WNK4: variants seen among roughly 807,000 people sequenced by gnomAD.
The protein encoded by WNK4 is WNK lysine deficient protein kinase 4.
WNK4 carries 94 observed loss-of-function variants against 116.2 expected under a neutral mutation model. The observed-to-expected ratio is 0.81, with a 90% CI of 0.68 to 0.96. The LOEUF (loss-of-function observed/expected upper bound fraction) is 0.96. Ranked by LOEUF, WNK4 falls within the 40% of genes least tolerant of loss-of-function variation. WNK4 has a pLI of 0.00. For synonymous variants in WNK4, 655 were observed against 672.7 expected, an observed-to-expected ratio of 0.97 and a Z score of 0.41; for missense variants, 1,542 against 1,650.6, an observed-to-expected ratio of 0.93 and a Z score of 1.14.
In WNK4 at chr17:42,784,489, G is replaced by A; in HGVS notation, c.1080G>A (p.Ala360=). The A allele has an allele frequency of 6.2e-7, 1 of 1,613,984 alleles. No homozygotes were observed. Among genetic ancestry groups the A allele is most frequent in the Non-Finnish European group, 8.5e-7 (1 of 1,179,986 alleles). Residue 360 remains alanine, a synonymous_variant, in exon 4 of 19, where the codon GCG becomes GCA. Transcript: ENST00000246914. The surrounding 1 kb of genome is among the most constrained non-coding windows in gnomAD (Gnocchi z 4.4). The part of the protein sequence containing the change: ...EKYDEAVDVY[A]FGMCMLEMAT... ...ACGATGAGGCCGTGGACGTGTACGCGTTCGGCATGTGCATGCTGGAGATGG... is the reference window on the plus strand; with the variant it reads ...ACGATGAGGCCGTGGACGTGTACGCATTCGGCATGTGCATGCTGGAGATGG...
intron 10 of WNK4, 132 bp downstream of exon 10, chr17:42,788,539 GT>G: frequency 8.4e-7 from 1 of 1,190,504 alleles, no homozygotes; most frequent in Non-Finnish European, 1.3e-6. Context: ...GGCCAGTCTG[GT>G]TTCTAATACC....
At position 42,796,734 on chromosome 17, in the gene WNK4, T is replaced by A. The variant is rs760305104; in HGVS notation, c.*46T>A. The A allele has an allele frequency of 1.9e-6, 3 of 1,614,088 alleles. No homozygotes were observed. The highest frequency in any genetic ancestry group is 1.3e-5 in the African/African-American group (1 of 74,928). On this transcript the variant is annotated 3_prime_UTR_variant, in exon 19 of 19. Coordinates refer to ENST00000246914, the MANE Select transcript of WNK4 (RefSeq NM_032387.5). Reference sequence around the variant, plus strand: ...ATCTCCCCCACACCAGGGCCCACCATGGAGCTTGTGTTCTCAGAATCTGAT... The same window carrying A: ...ATCTCCCCCACACCAGGGCCCACCAAGGAGCTTGTGTTCTCAGAATCTGAT...
At position 42,780,898 on chromosome 17, in the gene WNK4, T is replaced by C; in HGVS notation, c.200T>C (p.Leu67Ser). 1 of 1,606,930 alleles carries C rather than the reference T, an allele frequency of 6.2e-7. No individual in the cohort carries two copies. The highest frequency in any genetic ancestry group is 8.5e-7 in the Non-Finnish European group (1 of 1,179,618). The change falls in exon 1 of 19, where the codon TTG becomes TCG. Residue 67 changes from leucine (L) to serine (S), a missense_variant. Around this residue, in one of 7 missense-constraint regions of WNK4, gnomAD observed 243 missense variants for 217.8 expected, o/e 1.12. Transcript: ENST00000246914. ...CTCAGCCGCCGTAGCTCAGTCGACT[T>C]GGGGCTGCTGAGCTCTTGGTCCCTG... ...SRLSRRSSVD[L>S]GLLSSWSLPA...
chr17:42,780,774 C>T lies in WNK4; in HGVS notation c.76C>T (p.Pro26Ser), dbSNP rs756995575. 89 of 1,607,028 alleles carry T rather than the reference C, an allele frequency of 5.5e-5. No homozygotes were observed. The highest frequency in any genetic ancestry group is 7.5e-5 in the Non-Finnish European group (88 of 1,179,314). Residue 26 changes from proline (P) to serine (S), a missense_variant, in exon 1 of 19, where the codon CCT (proline) becomes TCT (serine). Around this residue, in one of 7 missense-constraint regions of WNK4, gnomAD observed 243 missense variants for 217.8 expected, o/e 1.12. Transcript: ENST00000246914. ...GGCCGACCTGGCCCTGCGGCCCCCG[C>T]CTCCTCTTGGCACCGCGGGGCAGCC... ...TEADLALRPP[P>S]PLGTAGQPRL...
chr17:42,781,445 C>T (rs1597893185), intron 1 of WNK4, 129 bp downstream of exon 1: 2 of 1,252,790 alleles, frequency 1.6e-6, no homozygotes, highest in East Asian at 2.5e-5. Context: ...CTATAGACAC[C>T]TCTGCTGTCT....
At chr17:42,795,601 G>A (rs772985475) in intron 15 of WNK4, 24 bp from the exon 16 acceptor site, 95 of 1,614,000 alleles carry the variant, frequency 5.9e-5, no homozygotes, top group Non-Finnish European at 7.4e-5. Context: ...CTTTCCTCAT[G>A]CCTTCTTCCT....
intron 10 of WNK4, 98 bp downstream of exon 10, chr17:42,788,505 G>A (rs2054576757): frequency 1.5e-6 from 2 of 1,310,076 alleles, no homozygotes; most frequent in Non-Finnish European, 2.2e-6. Context: ...GGGAGAAGCA[G>A]TGTATGACTA....
Position 42,784,379 on chromosome 17 carries a change from G to T in WNK4, c.1013-43G>T. Reference sequence around the variant, plus strand: ...TGCCTAGCCCAGTGGGAAGGACGAGGCCAGAGTGCCCAGCAATCTGATCCC... The same window carrying T: ...TGCCTAGCCCAGTGGGAAGGACGAGTCCAGAGTGCCCAGCAATCTGATCCC... On this transcript the variant is annotated intron_variant, in intron 3 of 18. Coordinates refer to ENST00000246914, the MANE Select transcript of WNK4 (RefSeq NM_032387.5). The surrounding 1 kb of genome is among the most constrained non-coding windows in gnomAD (Gnocchi z 4.4). 1 of 1,604,860 alleles carries T rather than the reference G, an allele frequency of 6.2e-7. No individual in the cohort carries two copies. The highest frequency in any genetic ancestry group is 8.5e-7 in the Non-Finnish European group (1 of 1,175,870).
In WNK4 at chr17:42,780,710, C is replaced by A. The variant is rs2054471402; in HGVS notation, c.12C>A (p.Ser4=). The A allele has an allele frequency of 6.2e-7, 1 of 1,608,534 alleles. No homozygotes were observed. MLA[S]PATETTVLMS... ...CCCTGCTCTTCCTCATGTTGGCATC[C>A]CCGGCCACGGAGACCACCGTCCTCA... The change falls in exon 1 of 19, where the codon TCC becomes TCA. Residue 4 remains serine (S), a synonymous_variant. Transcript: ENST00000246914.
intron 14 of WNK4, 27 bp downstream of exon 14, chr17:42,795,409 T>G (rs771192379): frequency 6.2e-7 from 1 of 1,614,066 alleles, no homozygotes; most frequent in Admixed American, 1.7e-5. Flanking sequence ...GAGGGATGAT[T>G]AGGGAGACTC....
Position 42,780,785 on chromosome 17 carries a change from C to A in WNK4, c.87C>A (p.Gly29=), listed in dbSNP as rs1384929788. The A allele has an allele frequency of 6.2e-7, 1 of 1,604,784 alleles. No individual in the cohort carries two copies. The highest frequency in any genetic ancestry group is 8.5e-7 in the Non-Finnish European group (1 of 1,178,608). The part of the protein sequence containing the change: ...DLALRPPPPL[G]TAGQPRLGPP... ...CCCTGCGGCCCCCGCCTCCTCTTGG[C>A]ACCGCGGGGCAGCCCCGCCTCGGGC... The change falls in exon 1 of 19, where the codon GGC becomes GGA. Residue 29 remains glycine (G), a synonymous_variant. Transcript: ENST00000246914.
intron 11 of WNK4, among the ~76,000 whole-genome samples, chr17:42,791,651 AAG>A (rs1416860076): frequency 2.7e-5 from 4 of 150,338 alleles, no homozygotes; most frequent in Non-Finnish European, 5.9e-5. Flanking sequence ...AAAAAAAAAA[AAG>A]AAGAAAGAAA....
chr17:42,783,707 G>T, intron 2 of WNK4: 2 of 592,114 alleles, frequency 3.4e-6, no homozygotes, highest in Non-Finnish European at 6.0e-6. Context: ...CACCTTGGCC[G>T]AGGCCCTATC....
chr17:42,793,258 G>A (rs61755613), intron 11 of WNK4, among the ~76,000 whole-genome samples: 3,083 of 152,206 alleles, frequency 0.02, 106 homozygotes, highest in African/African-American at 0.07. Flanking sequence ...TCGCTCAGTC[G>A]TCCAGGCTGG....
Position 42,788,722 on chromosome 17 carries a change from G to C in WNK4, c.2082G>C (p.Gln694His). Residue 694 changes from glutamine (Q) to histidine (H), a missense_variant, in exon 11 of 19, where the codon CAG becomes CAC. Gln to His is a conservative substitution (Grantham distance 24). Transcript: ENST00000246914. ...ACAGAGTGGTTGAGTGCCAGCTACA[G>C]ACCCATAACAGCAAGATGGTGACCT... ...QNDRVVECQLQTHNSKMVTFR... is the reference protein window; with the variant it reads ...QNDRVVECQLHTHNSKMVTFR... The C allele has an allele frequency of 6.2e-7, 1 of 1,614,160 alleles. No homozygotes were observed. The highest frequency in any genetic ancestry group is 8.5e-7 in the Non-Finnish European group (1 of 1,180,022).
rs531751261 is a variant in WNK4, at chr17:42,793,533, G to A, written c.2158-59G>A. 8.7e-6 allele frequency: 14 copies of A among 1,607,378 alleles called. No homozygotes were observed. In the South Asian group the frequency reaches 1.2e-4, roughly 14 times the overall value. ...CCTGATGTTTTAAGATCAGAAGCAG[G>A]GGGAGAGGGATGAGTGAGATAACAA... is the stretch of plus-strand genomic sequence containing the variant. On this transcript the variant is annotated intron_variant, in intron 11 of 18. Transcript: ENST00000246914.
chr17:42,783,078 C>CACCGAGGCA, intron 2 of WNK4, 148 bp downstream of exon 2: 2 of 1,087,954 alleles, frequency 1.8e-6, no homozygotes, highest in Non-Finnish European at 2.7e-6. Context: ...GTCCCTGCCT[C>CACCGAGGCA]GGTGAGTGGC....
chr17:42,782,830 C>T lies in WNK4; in HGVS notation c.691C>T (p.Pro231Ser), dbSNP rs2054499729. Residue 231 changes from proline (P) to serine (S), a missense_variant, in exon 2 of 19, where the codon CCC becomes TCC. Coordinates refer to ENST00000246914, the MANE Select transcript of WNK4 (RefSeq NM_032387.5). This position sits in a 1 kb window ranked among gnomAD's most constrained non-coding sequence, Gnocchi z 4.2. ...GGAGATGCTCAAGGGGCTGCAGCACCCCAACATCGTCCGCTTCTATGATTC... is the reference window on the plus strand; with the variant it reads ...GGAGATGCTCAAGGGGCTGCAGCACTCCAACATCGTCCGCTTCTATGATTC... ...EVEMLKGLQH[P>S]NIVRFYDSWK... 2.5e-6 allele frequency: 4 copies of T among 1,614,166 alleles called. No homozygotes were observed. Among genetic ancestry groups the T allele is most frequent in the Non-Finnish European group, 3.4e-6 (4 of 1,180,042 alleles).
chr17:42,791,524 A>G (rs551098931), intron 11 of WNK4, among the ~76,000 whole-genome samples: 11 of 152,222 alleles, frequency 7.2e-5, no homozygotes, highest in African/African-American at 2.6e-4. Flanking sequence ...CTGTAATCCC[A>G]GCTACTTGGG....
Sources: gnomAD v4.1 joint callset for allele counts (sites outside exome capture counted in the v4.1 genomes callset) on GRCh38, gnomAD v4.1.1 for gene constraint, gnomAD v4.1.1 regional missense constraint, Gnocchi (gnomAD v3.1) non-coding constraint, MANE v1.5 for transcripts, NCBI Gene and HGNC (gene_info 2026-07-23, HGNC 2026-07-21) for gene names.